UNC45B: variants seen among roughly 807,000 people sequenced by gnomAD.
UNC45B encodes the protein unc-45 myosin chaperone B.
In UNC45B, 78 loss-of-function variants were observed where a neutral mutation model predicts 98.7. The observed-to-expected ratio is 0.79, with a 90% confidence interval of 0.66 to 0.95. The LOEUF is 0.95. Ranked by LOEUF, UNC45B falls within the 40% of genes least tolerant of loss-of-function variation. The probability of loss-of-function intolerance (pLI) is 0.00; values close to 1 mark genes in which losing one functional copy is unlikely to be tolerated. For missense variants in UNC45B, 1,225 were observed against 1,184.9 expected, an observed-to-expected ratio of 1.03 and a Z score of -0.50; for synonymous variants, 462 against 480.4, an observed-to-expected ratio of 0.96 and a Z score of 0.50.
rs1460641629 is a variant in UNC45B at position 35,187,526 on chromosome 17, G to A, written c.*967G>A. On this transcript the variant is annotated 3_prime_UTR_variant, in exon 20 of 20. Coordinates refer to ENST00000394570, the MANE Select transcript of UNC45B (RefSeq NM_001267052.2). ...CCAGGGATGACTCTGATATGTCTAT[G>A]TCTCAGGTCACATTTCCATCTATGA... 6.6e-6 allele frequency: 1 copy of A among 152,190 alleles called. No individual in the cohort carries two copies. The highest frequency in any genetic ancestry group is 1.9e-4 in the East Asian group (1 of 5,204). The allele number at this position is 152,190 out of a possible 1,614,324, so 9.4% of individuals were successfully genotyped here.
chr17:35,165,209 A>G (rs887772040), intron 9 of UNC45B, among the ~76,000 whole-genome samples: 6 of 152,164 alleles, frequency 3.9e-5, no homozygotes, highest in African/African-American at 1.4e-4. Flanking sequence ...GTTGAAAGGA[A>G]CACATGTCAG....
chr17:35,148,079 C>A (rs1442720682), intron 1 of UNC45B, among the ~76,000 whole-genome samples, 169 bp downstream of exon 1: 1 of 152,096 alleles, frequency 6.6e-6, no homozygotes, highest in Non-Finnish European at 1.5e-5. Context: ...AAGCTCTGAG[C>A]AAATGCTATA....
In UNC45B at chr17:35,177,032, G is replaced by C; in HGVS notation, c.2041G>C (p.Ala681Pro). 2 of 1,614,134 alleles carry C rather than the reference G, an allele frequency of 1.2e-6. No homozygotes were observed. The highest frequency in any genetic ancestry group is 1.7e-6 in the Non-Finnish European group (2 of 1,179,982). Residue 681 changes from alanine (A) to proline (P), a missense_variant, in exon 16 of 20, where the codon GCT becomes CCT. Physicochemically the swap from Ala to Pro is conservative, Grantham distance 27. Coordinates refer to ENST00000394570, the MANE Select transcript of UNC45B (RefSeq NM_001267052.2). ...QGGGKALIPL[A>P]LEGTDVGKVK... Reference sequence around the variant, plus strand: ...TTTCTTGCAGGCCCTGATTCCCCTGGCTTTGGAGGGCACAGATGTGGGCAA... The same window carrying C: ...TTTCTTGCAGGCCCTGATTCCCCTGCCTTTGGAGGGCACAGATGTGGGCAA...
At chr17:35,180,284 G>GAA (rs2092264613) in intron 17 of UNC45B, among the ~76,000 whole-genome samples, 1 of 144,720 alleles carries the variant, frequency 6.9e-6, no homozygotes, top group African/African-American at 2.5e-5. Context: ...GAGAGAGAGA[G>GAA]AGAGAATTTC....
chr17:35,184,735 A>G (rs1457346349), intron 19 of UNC45B, among the ~76,000 whole-genome samples: 2 of 152,210 alleles, frequency 1.3e-5, no homozygotes, highest in Non-Finnish European at 2.9e-5. Context: ...GGGACCCTTC[A>G]GGATTGCCAA....
At position 35,184,036 on chromosome 17, in the gene UNC45B, C is replaced by T. The variant is rs370805905; in HGVS notation, c.2529+454C>T. ...GCAGCAGGTGTAATGGAAATGATAT[C>T]TGTATAGTCACAAACGTGGGAGTGC... On this transcript the variant is annotated intron_variant, in intron 19 of 19. Transcript: ENST00000394570. Among the ~76,000 whole-genome samples the T allele has an allele frequency of 2.6e-4, 40 of 152,328 alleles. No homozygotes were observed. The East Asian group carries it at 4.6e-3, about 18-fold the overall frequency.
At chr17:35,150,920 T>G (rs570569286) in intron 4 of UNC45B, among the ~76,000 whole-genome samples, 2 of 152,196 alleles carry the variant, frequency 1.3e-5, no homozygotes, top group African/African-American at 2.4e-5. Context: ...AGGAGCATGA[T>G]TGCTTTTTTT....
intron 7 of UNC45B, among the ~76,000 whole-genome samples, chr17:35,158,594 T>C (rs925450040): frequency 1.7e-4 from 26 of 152,202 alleles, no homozygotes; most frequent in African/African-American, 5.8e-4. Context: ...CTTCCACATA[T>C]TGATTTCCAC....
At position 35,150,113 on chromosome 17, in the gene UNC45B, G is replaced by C; in HGVS notation, c.271G>C (p.Gly91Arg). The change falls in exon 4 of 20, where the codon GGG (glycine) becomes CGG (arginine). Residue 91 changes from glycine (G) to arginine (R), a missense_variant. Physicochemically the swap from Gly to Arg is moderately radical, Grantham distance 125 (BLOSUM62 -2). Coordinates refer to ENST00000394570, the MANE Select transcript of UNC45B (RefSeq NM_001267052.2). ...GCGATGCCAGGCACTGGAGCACCTG[G>C]GGAAGCTGGACCAGGCCTTCAAAGA... is the stretch of plus-strand genomic sequence containing the variant. ...YRRCQALEHL[G>R]KLDQAFKDVQ... 1 of 1,613,552 alleles carries C rather than the reference G, an allele frequency of 6.2e-7. No individual in the cohort carries two copies. Among genetic ancestry groups the C allele is most frequent in the Non-Finnish European group, 8.5e-7 (1 of 1,179,734 alleles).
At chr17:35,174,166 G>T (rs1421799408) in intron 13 of UNC45B, 76 bp from the exon 14 acceptor site, 5 of 1,589,078 alleles carry the variant, frequency 3.1e-6, no homozygotes, top group Non-Finnish European at 4.3e-6. Flanking sequence ...ATTCAGAAAT[G>T]CACCATCTTT....
rs201569220 is a variant in UNC45B at position 35,174,268 on chromosome 17, G to A, written c.1857G>A (p.Arg619=). 6.2e-7 allele frequency: 1 copy of A among 1,614,206 alleles called. No homozygotes were observed. Among genetic ancestry groups the A allele is most frequent in the African/African-American group, 1.3e-5 (1 of 75,052 alleles). The change falls in exon 14 of 20, where the codon CGG becomes CGA. Residue 619 remains arginine, a synonymous_variant. Transcript: ENST00000394570. ...ACAAGAAGGACTTTATAGACATGCG[G>A]GTGAAGCGGCTTCTGAAGGCGGGTG... ...PKDKKDFIDM[R]VKRLLKAGVI... is the part of the protein sequence containing the mutation.
intron 8 of UNC45B, among the ~76,000 whole-genome samples, chr17:35,162,612 A>G (rs1482267): frequency 0.76 from 114,592 of 151,616 alleles, 43,461 homozygotes; most frequent in East Asian, 0.92. Flanking sequence ...TTTTTGAGAC[A>G]GAGTTTTGCC....
intron 8 of UNC45B, 43 bp from the exon 9 acceptor site, chr17:35,163,952 G>T: frequency 6.4e-7 from 1 of 1,553,676 alleles, no homozygotes. Flanking sequence ...TGTGAGGATG[G>T]AGCCCAGCAG....
intron 4 of UNC45B, 100 bp downstream of exon 4, chr17:35,150,323 C>T (rs2092008485): frequency 3.1e-6 from 4 of 1,301,330 alleles, no homozygotes; most frequent in Non-Finnish European, 4.2e-6. Flanking sequence ...CAGGGCTAGC[C>T]CTACCTCCAC....
Position 35,155,498 on chromosome 17 carries a change from A to T in UNC45B, c.808+34A>T, listed in dbSNP as rs756697052. ...CATTCTTCAGTTTTGATTCAAGGGGATGGGGAAAGAAAAGGTCAGTTGCTA... is the reference window on the plus strand; with the variant it reads ...CATTCTTCAGTTTTGATTCAAGGGGTTGGGGAAAGAAAAGGTCAGTTGCTA... On this transcript the variant is annotated intron_variant, in intron 7 of 19. Coordinates refer to ENST00000394570, the MANE Select transcript of UNC45B (RefSeq NM_001267052.2). 5 of 1,606,878 alleles carry T rather than the reference A, an allele frequency of 3.1e-6. No individual in the cohort carries two copies. In the African/African-American group the frequency reaches 6.7e-5, roughly 21 times the overall value.
chr17:35,155,328 C>A lies in UNC45B; in HGVS notation c.672C>A (p.Asp224Glu), dbSNP rs778432237. Reference sequence around the variant, plus strand: ...TGATTCTGCATGCAGTGCGGATAGACCGAATCTGTAGCCTCATGGCCGTGG... The same window carrying A: ...TGATTCTGCATGCAGTGCGGATAGAACGAATCTGTAGCCTCATGGCCGTGG... Reference protein sequence around the residue: ...ATVILHAVRIDRICSLMAVEN... With the variant: ...ATVILHAVRIERICSLMAVEN... The change falls in exon 7 of 20, where the codon GAC (aspartate) becomes GAA (glutamate). Residue 224 changes from aspartate (D) to glutamate (E), a missense_variant. Physicochemically the swap from Asp to Glu is conservative, Grantham distance 45 (BLOSUM62 2). Transcript: ENST00000394570. The A allele has an allele frequency of 6.2e-7, 1 of 1,614,154 alleles. No homozygotes were observed. Among genetic ancestry groups the A allele is most frequent in the South Asian group, 1.1e-5 (1 of 91,080 alleles).
At position 35,155,325 on chromosome 17, in the gene UNC45B, A is replaced by G; in HGVS notation, c.669A>G (p.Ile223Met). ...RATVILHAVRIDRICSLMAVE... is the reference protein window; with the variant it reads ...RATVILHAVRMDRICSLMAVE... ...CAGTGATTCTGCATGCAGTGCGGAT[A>G]GACCGAATCTGTAGCCTCATGGCCG... Residue 223 changes from isoleucine (I) to methionine (M), a missense_variant, in exon 7 of 20, where the codon ATA (isoleucine) becomes ATG (methionine). Coordinates refer to ENST00000394570, the MANE Select transcript of UNC45B (RefSeq NM_001267052.2). 1 of 1,614,192 alleles carries G rather than the reference A, an allele frequency of 6.2e-7. No homozygotes were observed. Among genetic ancestry groups the G allele is most frequent in the East Asian group, 2.2e-5 (1 of 44,884 alleles).
intron 8 of UNC45B, among the ~76,000 whole-genome samples, chr17:35,160,777 A>G (rs1223767611): frequency 6.6e-6 from 1 of 152,100 alleles, no homozygotes; most frequent in Non-Finnish European, 1.5e-5. Flanking sequence ...GCAGACAGTC[A>G]CTCAATTTGT....
intron 4 of UNC45B, 92 bp downstream of exon 4, chr17:35,150,315 G>T: frequency 2.2e-6 from 3 of 1,395,118 alleles, no homozygotes; most frequent in Non-Finnish European, 1.9e-6. Context: ...CATCAGGGCA[G>T]GGCTAGCCCT....
Sources: gnomAD v4.1 joint callset for allele counts (sites outside exome capture counted in the v4.1 genomes callset) on GRCh38, gnomAD v4.1.1 for gene constraint, MANE v1.5 for transcripts, NCBI Gene and HGNC (gene_info 2026-07-23, HGNC 2026-07-21) for gene names.